The following GSG1L variants were observed in gnomAD, a reference collection of about 807,000 sequenced individuals.
GSG1L encodes the protein germ cell-specific gene 1-like protein.
GSG1L carries 24 observed loss-of-function variants against 42.1 expected under a neutral mutation model. The observed-to-expected ratio is 0.57, with a 90% CI of 0.41 to 0.80. The LOEUF (loss-of-function observed/expected upper bound fraction) is 0.80. Among genes scored for constraint, GSG1L ranks in the 30% least tolerant of loss-of-function variants. The pLI is 0.00. For synonymous variants in GSG1L, 215 were observed against 203.5 expected (o/e 1.06, Z -0.48); for missense variants, 445 against 472.2 (o/e 0.94, Z 0.53).
At chr16:27,971,971 T>C (rs1177680761) in intron 1 of GSG1L, among the ~76,000 whole-genome samples, 1 of 152,144 alleles carries the variant, frequency 6.6e-6, no homozygotes, top group Non-Finnish European at 1.5e-5. Context: ...ACACAGCCAG[T>C]AAGAAATGGA....
chr16:27,913,343 G>A lies in GSG1L; in HGVS notation c.398-28705C>T, dbSNP rs1181707091. ...AAGAAAGAGGTTGCCTTTGAGGGAGGGGCTGGGATCTCAGGGCAAGGGACC... is the reference window on the plus strand; with the variant it reads ...AAGAAAGAGGTTGCCTTTGAGGGAGAGGCTGGGATCTCAGGGCAAGGGACC... On this transcript the variant is annotated intron_variant, in intron 2 of 6. Coordinates refer to ENST00000447459, the MANE Select transcript of GSG1L (RefSeq NM_001109763.2). Among the ~76,000 whole-genome samples, 3 of 152,110 alleles carry A rather than the reference G, an allele frequency of 2.0e-5. No homozygotes were observed. In the East Asian group the frequency reaches 5.8e-4, roughly 29 times the overall value.
At chr16:27,991,623 T>C (rs2085457470) in intron 1 of GSG1L, among the ~76,000 whole-genome samples, 1 of 151,958 alleles carries the variant, frequency 6.6e-6, no homozygotes, top group Non-Finnish European at 1.5e-5. Context: ...CAGGTTGGTC[T>C]CAAACTCCTG....
chr16:28,050,088 GATGA>G (rs1213176973), intron 1 of GSG1L, among the ~76,000 whole-genome samples: 2 of 151,948 alleles, frequency 1.3e-5, no homozygotes, highest in Admixed American at 6.6e-5. Flanking sequence ...TAATAGATGT[GATGA>G]ATGAATGAAT....
At chr16:28,014,351 T>C (rs1165927470) in intron 1 of GSG1L, among the ~76,000 whole-genome samples, 3 of 152,224 alleles carry the variant, frequency 2.0e-5, no homozygotes, top group Non-Finnish European at 4.4e-5. Flanking sequence ...GCCTCAGTTA[T>C]GTTGTCATGG....
At position 28,011,206 on chromosome 16, in the gene GSG1L, A is replaced by C. The variant is rs576579301; in HGVS notation, c.350-48003T>G. Among the ~76,000 whole-genome samples, 10 of 152,354 alleles carry C rather than the reference A, an allele frequency of 6.6e-5. No individual in the cohort carries two copies. The South Asian group carries it at 8.3e-4, about 13-fold the overall frequency. On this transcript the variant is annotated intron_variant, in intron 1 of 6. Coordinates refer to ENST00000447459, the MANE Select transcript of GSG1L (RefSeq NM_001109763.2). ...TTCACCAGGATGAAGGAAGAAAGGA[A>C]GGGATGTTCTCAGCAAAGAGCCTGG...
At chr16:27,807,439 G>T in intron 6 of GSG1L, 48 bp downstream of exon 6, 1 of 1,497,224 alleles carries the variant, frequency 6.7e-7, no homozygotes, top group Non-Finnish European at 9.3e-7. Context: ...TTCTCCTCTG[G>T]CAGCCCATGA....
chr16:27,955,836 C>A (rs187588459), intron 2 of GSG1L, among the ~76,000 whole-genome samples: 150 of 147,026 alleles, frequency 1.0e-3, no homozygotes, highest in African/African-American at 3.7e-3. Context: ...CCTAGATAAT[C>A]ATTGAGTCAA....
At chr16:28,026,728 C>A (rs1347976309) in intron 1 of GSG1L, among the ~76,000 whole-genome samples, 1 of 152,160 alleles carries the variant, frequency 6.6e-6, no homozygotes, top group African/African-American at 2.4e-5. Context: ...TCAGATACTG[C>A]GTGTGTCCCA....
At chr16:27,982,625 A>G (rs1365396419) in intron 1 of GSG1L, among the ~76,000 whole-genome samples, 1 of 152,206 alleles carries the variant, frequency 6.6e-6, no homozygotes, top group African/African-American at 2.4e-5. Flanking sequence ...TTTATAGAGT[A>G]TGAGGTTTAT....
chr16:27,889,242 G>A (rs552120175), intron 2 of GSG1L, among the ~76,000 whole-genome samples: 5 of 152,012 alleles, frequency 3.3e-5, no homozygotes, highest in Non-Finnish European at 5.9e-5. Context: ...CTCCCGCCTC[G>A]GCCTCCCAAA....
intron 5 of GSG1L, chr16:27,823,885 C>T (rs1264202250): frequency 1.6e-5 from 11 of 702,820 alleles, no homozygotes; most frequent in Admixed American, 1.0e-4. Flanking sequence ...TGGGGCAAGT[C>T]GCCCTCCCTC....
chr16:27,878,942 T>C (rs1270421224), intron 3 of GSG1L, among the ~76,000 whole-genome samples: 3 of 151,824 alleles, frequency 2.0e-5, no homozygotes, highest in Non-Finnish European at 4.4e-5. Context: ...GGTAAGGGGG[T>C]TCTGGCTAAA....
At chr16:27,850,446 GATAA>G in intron 3 of GSG1L, 1 of 448,106 alleles carries the variant, frequency 2.2e-6, no homozygotes, top group Middle Eastern at 4.5e-4. Context: ...GCATGCGAAT[GATAA>G]ATAACACAAT....
At chr16:28,006,238 T>C (rs1391300784) in intron 1 of GSG1L, among the ~76,000 whole-genome samples, 2 of 152,134 alleles carry the variant, frequency 1.3e-5, no homozygotes, top group African/African-American at 2.4e-5. Context: ...AAGCAAAAAA[T>C]GCATTCACCC....
chr16:27,932,183 G>A (rs758536051), intron 2 of GSG1L, among the ~76,000 whole-genome samples: 4 of 152,150 alleles, frequency 2.6e-5, no homozygotes, highest in Non-Finnish European at 5.9e-5. Flanking sequence ...CTCCCAAGTA[G>A]CTGGGATTAC....
intron 4 of GSG1L, among the ~76,000 whole-genome samples, chr16:27,829,367 C>G (rs1264567317): frequency 1.3e-5 from 2 of 152,120 alleles, no homozygotes; most frequent in Non-Finnish European, 2.9e-5. Flanking sequence ...AGGGAATGTT[C>G]TACAAACTGT....
chr16:27,888,743 G>A (rs796333340), intron 2 of GSG1L, among the ~76,000 whole-genome samples: 27 of 151,104 alleles, frequency 1.8e-4, no homozygotes, highest in African/African-American at 5.8e-4. Context: ...TCAGCCTCCC[G>A]AGTAGCTGGG....
intron 2 of GSG1L, among the ~76,000 whole-genome samples, chr16:27,942,140 A>ACTT (rs1470556127): frequency 2.0e-5 from 3 of 146,478 alleles, no homozygotes; most frequent in African/African-American, 7.7e-5. Flanking sequence ...AAAAATTAAA[A>ACTT]CTTCTTCTTT....
At chr16:27,923,524 C>T (rs974739494) in intron 2 of GSG1L, among the ~76,000 whole-genome samples, 1 of 152,140 alleles carries the variant, frequency 6.6e-6, no homozygotes, top group Non-Finnish European at 1.5e-5. Flanking sequence ...GCAGGCAGAT[C>T]GTTTGAGACC....
Sources: gnomAD v4.1 joint callset for allele counts (sites outside exome capture counted in the v4.1 genomes callset) on GRCh38, gnomAD v4.1.1 for gene constraint, MANE v1.5 for transcripts, NCBI Gene and HGNC (gene_info 2026-07-23, HGNC 2026-07-21) for gene names.